Variants in SLC30A8 observed in about 807,000 individuals in gnomAD.
SLC30A8 encodes the protein proton-coupled zinc antiporter SLC30A8.
A neutral mutation model predicts 36.9 loss-of-function variants in SLC30A8; 27 were observed. The ratio of observed to expected loss-of-function variants is 0.73; its 90% CI spans 0.54 to 1.01. SLC30A8 has a LOEUF of 1.01. Ranked by LOEUF, SLC30A8 falls within the 50% of genes least tolerant of loss-of-function variation. SLC30A8 has a pLI of 0.00. For synonymous variants in SLC30A8, 164 were observed against 172.4 expected (o/e 0.95, Z 0.38); for missense variants, 439 against 452.0 (o/e 0.97, Z 0.26).
At chr8:116,976,325 T>G (rs73701642) in intron 1 of SLC30A8, among the ~76,000 whole-genome samples, 2,197 of 151,756 alleles carry the variant, frequency 0.014, 64 homozygotes, top group African/African-American at 0.05. Context: ...TGTCACTGAT[T>G]GTGTGGAGTT....
Position 117,009,774 on chromosome 8 carries a change from A to G in SLC30A8, c.-265-29445A>G, listed in dbSNP as rs569530711. Among the ~76,000 whole-genome samples the G allele has an allele frequency of 3.9e-5, 6 of 152,214 alleles. No homozygotes were observed. The South Asian group carries it at 1.2e-3, about 32-fold the overall frequency. On this transcript the variant is annotated intron_variant, in intron 1 of 10. Transcript: ENST00000427715. ...TCTTCTCAGCTTTGTAACAGAGAAT[A>G]TACAGTATTTACCTGGGAAGATTGT...
chr8:117,029,880 T>A (rs1245661347), intron 1 of SLC30A8, among the ~76,000 whole-genome samples: 1 of 152,194 alleles, frequency 6.6e-6, no homozygotes, highest in African/African-American at 2.4e-5. Context: ...AACCAATTAT[T>A]AGACAAGACA....
intron 1 of SLC30A8, among the ~76,000 whole-genome samples, chr8:116,972,268 T>C (rs1204370239): frequency 6.6e-6 from 1 of 152,226 alleles, no homozygotes; most frequent in Admixed American, 6.5e-5. Context: ...ATTTATACTT[T>C]TGCTGAAAAG....
At chr8:117,056,766 C>G (rs966933503) in intron 2 of SLC30A8, among the ~76,000 whole-genome samples, 4 of 152,098 alleles carry the variant, frequency 2.6e-5, no homozygotes, top group African/African-American at 9.7e-5. Flanking sequence ...CTTTCATGGT[C>G]TTTTTCAGAT....
At chr8:116,963,626 G>A (rs1446560867) in intron 1 of SLC30A8, among the ~76,000 whole-genome samples, 1 of 152,120 alleles carries the variant, frequency 6.6e-6, no homozygotes, top group Admixed American at 6.5e-5. Context: ...TTTATTGTAT[G>A]GATATCCCAC....
chr8:117,174,339 C>A lies in SLC30A8; in HGVS notation c.*1658C>A, dbSNP rs1006033073. 6.6e-6 allele frequency: 1 copy of A among 152,426 alleles called. No individual in the cohort carries two copies. The highest frequency in any genetic ancestry group is 6.6e-5 in the Admixed American group (1 of 15,250). The allele number at this position is 152,426 out of a possible 1,614,324, so 9.4% of individuals were successfully genotyped here. On this transcript the variant is annotated 3_prime_UTR_variant, in exon 8 of 8. Transcript: ENST00000456015. Reference sequence around the variant, plus strand: ...AATTTGAGGGCCAAGAAAACATTGACTTTGACTGAGGAGGTCACATCTGTG... The same window carrying A: ...AATTTGAGGGCCAAGAAAACATTGAATTTGACTGAGGAGGTCACATCTGTG...
intron 1 of SLC30A8, among the ~76,000 whole-genome samples, chr8:117,035,821 C>T (rs1474101659): frequency 6.6e-6 from 1 of 152,202 alleles, no homozygotes; most frequent in Non-Finnish European, 1.5e-5. Context: ...CACGTGGAAG[C>T]TGCCAAGGCT....
chr8:117,106,609 A>G lies in SLC30A8; in HGVS notation c.-225-28671A>G, dbSNP rs116633571. Among the ~76,000 whole-genome samples the G allele has an allele frequency of 4.2e-3, 636 of 152,286 alleles. 3 individuals are homozygous for G. The highest frequency in any genetic ancestry group is 0.014 in the African/African-American group (597 of 41,566). On this transcript the variant is annotated intron_variant, in intron 2 of 10. Coordinates refer to the SLC30A8 transcript ENST00000427715. ...AATTAGAGCTTGTTAGCAGTAGTGC[A>G]GGACCCAGAACTTGGATTGGCTGCC...
intron 6 of SLC30A8, among the ~76,000 whole-genome samples, chr8:117,168,967 G>T (rs1022951052): frequency 5.3e-5 from 8 of 151,984 alleles, no homozygotes; most frequent in African/African-American, 1.9e-4. Flanking sequence ...AAAGTTTTTA[G>T]GACTATTAAA....
At chr8:117,152,921 G>A (rs780064027) in intron 2 of SLC30A8, 23 bp from the exon 3 acceptor site, 8 of 1,536,326 alleles carry the variant, frequency 5.2e-6, no homozygotes, top group Non-Finnish European at 7.1e-6. Flanking sequence ...CCTTAACACA[G>A]TGTACTATTT....
At chr8:116,976,836 T>TCTTTTCTTTTCTTTTC (rs1815045407) in intron 1 of SLC30A8, among the ~76,000 whole-genome samples, 2 of 141,574 alleles carry the variant, frequency 1.4e-5, no homozygotes, top group Admixed American at 7.2e-5. Context: ...TTTTTTTTTT[T>TCTTTTCTTTTCTTTTC]TTACAGAGTC....
In SLC30A8 at chr8:117,161,897, G is replaced by C; in HGVS notation, c.723+9G>C. 6.2e-7 allele frequency: 1 copy of C among 1,609,298 alleles called. No individual in the cohort carries two copies. Among genetic ancestry groups the C allele is most frequent in the Non-Finnish European group, 8.5e-7 (1 of 1,176,732 alleles). On this transcript the variant is annotated intron_variant, in intron 5 of 7. Coordinates refer to ENST00000456015, the MANE Select transcript of SLC30A8 (RefSeq NM_173851.3). Reference sequence around the variant, plus strand: ...TTATTATCTACTTTAAGGTGAGTTTGAGTTTACCCACCATCCTAGTACTTA... The same window carrying C: ...TTATTATCTACTTTAAGGTGAGTTTCAGTTTACCCACCATCCTAGTACTTA...
chr8:116,969,461 T>C lies in SLC30A8; in HGVS notation c.-266+18342T>C, dbSNP rs80351976. On this transcript the variant is annotated intron_variant, in intron 1 of 10. Coordinates refer to the SLC30A8 transcript ENST00000427715. ...AACTGGGATAATAGAATCTACTTCA[T>C]CTCATAGGGTTAAAAAATGAAGTAA... 7.5e-3 allele frequency among the ~76,000 whole-genome samples: 1,142 copies of C among 152,284 alleles called. 13 individuals are homozygous for C. The highest frequency in any genetic ancestry group is 0.026 in the African/African-American group (1,092 of 41,562).
chr8:117,154,973 T>A (rs1191527844), intron 3 of SLC30A8, among the ~76,000 whole-genome samples: 1 of 152,150 alleles, frequency 6.6e-6, no homozygotes, highest in Non-Finnish European at 1.5e-5. Flanking sequence ...AACCAGATTT[T>A]AAAATTTACT....
intron 2 of SLC30A8, among the ~76,000 whole-genome samples, chr8:117,039,428 T>C (rs1014538933): frequency 2.6e-5 from 4 of 152,258 alleles, no homozygotes; most frequent in Non-Finnish European, 5.9e-5. Flanking sequence ...AATATCCTTA[T>C]GAGCAAATAT....
chr8:117,134,471 C>G (rs1267232927), upstream of SLC30A8, among the ~76,000 whole-genome samples: 1 of 151,948 alleles, frequency 6.6e-6, no homozygotes, highest in Non-Finnish European at 1.5e-5. Context: ...AATGCTGATT[C>G]CTAGGAGTTG....
chr8:117,145,948 G>T (rs553286023), intron 1 of SLC30A8, among the ~76,000 whole-genome samples: 1 of 152,258 alleles, frequency 6.6e-6, no homozygotes, highest in African/African-American at 2.4e-5. Context: ...TAGATTGGTG[G>T]TTACAAGAGA....
At chr8:117,018,234 T>C (rs549405586) in intron 1 of SLC30A8, 1 of 151,776 alleles carries the variant, frequency 6.6e-6, no homozygotes, top group Admixed American at 6.6e-5. Context: ...AGCAACGTAG[T>C]GAGACCTTGT....
chr8:117,009,412 C>T (rs1001451912), intron 1 of SLC30A8, among the ~76,000 whole-genome samples: 4 of 152,198 alleles, frequency 2.6e-5, no homozygotes, highest in Non-Finnish European at 5.9e-5. Flanking sequence ...ACTTGAATTG[C>T]CCTTCAAGAA....
Sources: allele counts gnomAD v4.1 joint callset (sites outside exome capture counted in the v4.1 genomes callset), GRCh38; gene constraint gnomAD v4.1.1; transcripts MANE v1.5; gene names NCBI Gene and HGNC (gene_info 2026-07-23, HGNC 2026-07-21).